LRRC72: variants seen among roughly 807,000 people sequenced by gnomAD.
LRRC72 encodes the protein leucine rich repeat containing 72.
Under a neutral mutation model 35.8 loss-of-function variants are expected in LRRC72, and 41 were observed. That is an observed-to-expected ratio of 1.15 (90% CI 0.89 to 1.49). The LOEUF is 1.49. Among genes scored for constraint, LRRC72 ranks in the 40% most tolerant of loss-of-function variants. The pLI, the probability that LRRC72 is intolerant of heterozygous loss-of-function variation, is 0.00. For missense variants in LRRC72, 389 were observed against 330.7 expected, an observed-to-expected ratio of 1.18 and a Z score of -1.37; for synonymous variants, 118 against 119.2, an observed-to-expected ratio of 0.99 and a Z score of 0.07.
At chr7:16,573,432 C>G (rs1322993388) in intron 7 of LRRC72, among the ~76,000 whole-genome samples, 1 of 152,174 alleles carries the variant, frequency 6.6e-6, no homozygotes, top group Admixed American at 6.5e-5. Flanking sequence ...ACCAAAACAG[C>G]ATGGTACTTG....
intron 5 of LRRC72, among the ~76,000 whole-genome samples, chr7:16,562,472 T>C (rs375143461): frequency 1.2e-4 from 19 of 152,240 alleles, no homozygotes; most frequent in African/African-American, 4.6e-4. Context: ...AACTCCACTG[T>C]TGGAAAGTAT....
chr7:16,561,630 A>G (rs924172473), intron 5 of LRRC72, among the ~76,000 whole-genome samples: 16 of 152,230 alleles, frequency 1.1e-4, no homozygotes, highest in African/African-American at 3.6e-4. Flanking sequence ...CATAACTATA[A>G]CTTTCCAGTT....
rs192764162 is a variant in LRRC72 at position 16,568,306 on chromosome 7, C to T, written c.670+763C>T. ...AAGAGAGGGTGGATAAGAAAAGGTG[C>T]AAAGGTAAAATCCTTTTCTTTATGA... On this transcript the variant is annotated intron_variant, in intron 7 of 8. Coordinates refer to ENST00000401542, the MANE Select transcript of LRRC72 (RefSeq NM_001195280.2). Among the ~76,000 whole-genome samples, 100 of 152,226 alleles carry T rather than the reference C, an allele frequency of 6.6e-4. 2 individuals are homozygous for T. The highest frequency in any genetic ancestry group is 2.4e-3 in the African/African-American group (99 of 41,544).
At chr7:16,544,998 C>T (rs533727112) in intron 3 of LRRC72, among the ~76,000 whole-genome samples, 67 of 152,306 alleles carry the variant, frequency 4.4e-4, no homozygotes, top group African/African-American at 1.5e-3. Context: ...ATCACTCACA[C>T]TGACTAGAGA....
At chr7:16,565,209 C>T (rs1237762040) in intron 5 of LRRC72, among the ~76,000 whole-genome samples, 1 of 152,084 alleles carries the variant, frequency 6.6e-6, no homozygotes, top group Non-Finnish European at 1.5e-5. Context: ...CCAAGGTGGG[C>T]GGATCACGAG....
rs199810747 is a variant in LRRC72, at chr7:16,535,194, G to GA, written c.165-2424dup. Among the ~76,000 whole-genome samples the GA allele has an allele frequency of 2.6e-3, 388 of 150,928 alleles. 2 individuals carry two copies. Among genetic ancestry groups the GA allele is most frequent in the African/African-American group, 8.9e-3 (367 of 41,190 alleles). On this transcript the variant is annotated intron_variant, in intron 2 of 8. Coordinates refer to ENST00000401542, the MANE Select transcript of LRRC72 (RefSeq NM_001195280.2). ...ACAGAGCCAAACCCTTTCTAAAAAA[G>GA]AAAAAAAAAGTTGTTTTGGAAGAGT...
chr7:16,526,904 C>T lies in LRRC72; in HGVS notation c.-49C>T, dbSNP rs1406888441. Reference sequence around the variant, plus strand: ...CCAAGTCTCTCTTCGGTGCCACCGGCGGGCGAGGCCGGATTAATCACCGCT... The same window carrying T: ...CCAAGTCTCTCTTCGGTGCCACCGGTGGGCGAGGCCGGATTAATCACCGCT... On this transcript the variant is annotated 5_prime_UTR_variant, in exon 1 of 9. Coordinates refer to ENST00000401542, the MANE Select transcript of LRRC72 (RefSeq NM_001195280.2). 3 of 1,450,914 alleles carry T rather than the reference C, an allele frequency of 2.1e-6. No homozygotes were observed. The highest frequency in any genetic ancestry group is 2.8e-6 in the Non-Finnish European group (3 of 1,069,686). The allele number at this position is 1,450,914 out of a possible 1,614,324, so 89.9% of individuals were successfully genotyped here.
chr7:16,560,188 C>A (rs530492072), intron 5 of LRRC72, among the ~76,000 whole-genome samples: 2 of 152,074 alleles, frequency 1.3e-5, no homozygotes, highest in East Asian at 3.8e-4. Flanking sequence ...AATAATGTAA[C>A]GCAATAGATA....
At chr7:16,552,073 C>T (rs186445610) in intron 3 of LRRC72, among the ~76,000 whole-genome samples, 1 of 152,234 alleles carries the variant, frequency 6.6e-6, no homozygotes, top group East Asian at 1.9e-4. Context: ...TGGGGAAAAG[C>T]CCCACACATT....
intron 5 of LRRC72, among the ~76,000 whole-genome samples, chr7:16,562,042 G>T (rs950381982): frequency 6.6e-6 from 1 of 152,114 alleles, no homozygotes; most frequent in Non-Finnish European, 1.5e-5. Context: ...TCTCAGCATC[G>T]CACCTTCCAT....
At chr7:16,573,972 A>C (rs1479203877) in intron 7 of LRRC72, among the ~76,000 whole-genome samples, 1 of 152,192 alleles carries the variant, frequency 6.6e-6, no homozygotes, top group Admixed American at 6.5e-5. Context: ...ACACAACCTC[A>C]TCAAAAAGTG....
chr7:16,580,150 G>T (rs572963783), intron 8 of LRRC72, 49 bp downstream of exon 8: 71 of 282,744 alleles, frequency 2.5e-4, no homozygotes, highest in African/African-American at 1.6e-3. Flanking sequence ...TCATAATTGT[G>T]TTGTCCCTTT....
chr7:16,553,042 T>C (rs1229653994), intron 3 of LRRC72, among the ~76,000 whole-genome samples: 2 of 152,230 alleles, frequency 1.3e-5, no homozygotes, highest in Non-Finnish European at 2.9e-5. Flanking sequence ...TGTTTATTTT[T>C]ACAATTTGAA....
intron 4 of LRRC72, 48 bp from the exon 5 acceptor site, chr7:16,558,841 A>T: frequency 8.4e-7 from 1 of 1,183,760 alleles, no homozygotes; most frequent in Non-Finnish European, 1.1e-6. Context: ...AAAAAAATAA[A>T]CTGAAAAAAA....
At chr7:16,543,325 C>T (rs750887364) in intron 3 of LRRC72, among the ~76,000 whole-genome samples, 33 of 152,246 alleles carry the variant, frequency 2.2e-4, no homozygotes, top group Non-Finnish European at 3.8e-4. Flanking sequence ...GATCTGAAAT[C>T]CTGACCAGCA....
intron 3 of LRRC72, among the ~76,000 whole-genome samples, 152 bp downstream of exon 3, chr7:16,537,848 T>C (rs1319604145): frequency 6.6e-6 from 1 of 152,064 alleles, no homozygotes; most frequent in African/African-American, 2.4e-5. Context: ...ATCTGGTACA[T>C]ATATATATAT....
At chr7:16,543,387 A>T (rs896374182) in intron 3 of LRRC72, among the ~76,000 whole-genome samples, 3 of 152,260 alleles carry the variant, frequency 2.0e-5, no homozygotes, top group African/African-American at 7.2e-5. Context: ...GGAATAAATA[A>T]GGCAAAAGGA....
chr7:16,577,880 TAAA>T (rs1783069762), intron 7 of LRRC72, among the ~76,000 whole-genome samples: 1 of 152,202 alleles, frequency 6.6e-6, no homozygotes. Context: ...AAAGGGTTGT[TAAA>T]GATGAGGGGG....
At chr7:16,569,437 A>T (rs897656376) in intron 7 of LRRC72, among the ~76,000 whole-genome samples, 3 of 152,098 alleles carry the variant, frequency 2.0e-5, no homozygotes, top group African/African-American at 7.2e-5. Flanking sequence ...AAACAAGGAC[A>T]GGTCTCCTCA....
Sources: gnomAD v4.1 joint callset for allele counts (sites outside exome capture counted in the v4.1 genomes callset) on GRCh38, gnomAD v4.1.1 for gene constraint, MANE v1.5 for transcripts, NCBI Gene and HGNC (gene_info 2026-07-23, HGNC 2026-07-21) for gene names.